Variants in MAP4K4 observed in about 807,000 individuals in gnomAD.
The protein encoded by MAP4K4 is HPK/GCK-like kinase HGK.
In MAP4K4, 38 loss-of-function variants were observed where a neutral mutation model predicts 189.6. That is an observed-to-expected ratio of 0.20 (90% CI 0.15 to 0.26). MAP4K4 has a LOEUF of 0.26. MAP4K4 is among the 10% of genes least tolerant of loss of function. MAP4K4 has a pLI of 1.00. For missense variants in MAP4K4, 1,054 were observed against 1,726.9 expected, an observed-to-expected ratio of 0.61 and a Z score of 6.91; for synonymous variants, 610 against 624.3, an observed-to-expected ratio of 0.98 and a Z score of 0.34.
chr2:101,888,916 T>G, exon 32 of MAP4K4: 1 of 1,612,074 alleles, frequency 6.2e-7, no homozygotes, highest in Non-Finnish European at 8.5e-7. Context: ...CTAAAATTCT[T>G]GTGTGAACGC....
At chr2:101,863,900 C>T in exon 17 of MAP4K4, 2 of 1,367,698 alleles carry the variant, frequency 1.5e-6, no homozygotes, top group Non-Finnish European at 9.8e-7. Flanking sequence ...GACCCTTCTC[C>T]CAAATTTGCA....
intron 2 of MAP4K4, among the ~76,000 whole-genome samples, chr2:101,772,837 TG>T (rs1388843318): frequency 6.6e-6 from 1 of 152,190 alleles, no homozygotes; most frequent in Non-Finnish European, 1.5e-5. Flanking sequence ...CTTCACTCCT[TG>T]ATATGGGTAC....
At chr2:101,710,151 A>G (rs1201341118) in intron 2 of MAP4K4, among the ~76,000 whole-genome samples, 2 of 152,192 alleles carry the variant, frequency 1.3e-5, no homozygotes, top group African/African-American at 2.4e-5. Context: ...AAGGTACTTA[A>G]TAATTTGTTG....
intron 2 of MAP4K4, among the ~76,000 whole-genome samples, chr2:101,773,338 G>A (rs924868510): frequency 1.3e-5 from 2 of 152,256 alleles, no homozygotes; most frequent in African/African-American, 4.8e-5. Flanking sequence ...GTGTCTGTCT[G>A]TTGAGGGGCC....
At chr2:101,703,996 C>T (rs1292608573) in intron 2 of MAP4K4, among the ~76,000 whole-genome samples, 1 of 152,200 alleles carries the variant, frequency 6.6e-6, no homozygotes, top group East Asian at 1.9e-4. Context: ...GCCTGGGTGA[C>T]AGAGCCAGAC....
At chr2:101,733,865 T>C (rs2149635467) in intron 2 of MAP4K4, among the ~76,000 whole-genome samples, 1 of 152,320 alleles carries the variant, frequency 6.6e-6, no homozygotes, top group South Asian at 2.1e-4. Flanking sequence ...GCCAGTTCTT[T>C]CACATACTAG....
At chr2:101,745,447 A>C (rs1014892519) in intron 2 of MAP4K4, among the ~76,000 whole-genome samples, 1 of 137,656 alleles carries the variant, frequency 7.3e-6, no homozygotes, top group Non-Finnish European at 1.6e-5. Context: ...GTAAAAAAAA[A>C]AAAAAAAAAA....
exon 33 of MAP4K4, chr2:101,893,175 T>C (rs1559373395): frequency 2.2e-6 from 1 of 456,438 alleles, no homozygotes; most frequent in East Asian, 6.9e-5. Context: ...AGGCCCTCCT[T>C]TGAGCTACAA....
intron 26 of MAP4K4, among the ~76,000 whole-genome samples, chr2:101,875,390 G>T (rs1328344451): frequency 2.0e-5 from 3 of 151,030 alleles, no homozygotes; most frequent in Admixed American, 1.3e-4. Context: ...ATCTCTAAGG[G>T]TTAAGTCACT....
chr2:101,872,158 T>A (rs892387957), intron 24 of MAP4K4, among the ~76,000 whole-genome samples: 1 of 143,506 alleles, frequency 7.0e-6, no homozygotes, highest in Admixed American at 6.9e-5. Context: ...ACAGAACTGA[T>A]TTTTTTTTTT....
At chr2:101,830,565 A>G (rs751261734) in intron 6 of MAP4K4, among the ~76,000 whole-genome samples, 1 of 152,184 alleles carries the variant, frequency 6.6e-6, no homozygotes, top group African/African-American at 2.4e-5. Flanking sequence ...TTGTACTGTA[A>G]AAGTAAGATC....
intron 2 of MAP4K4, among the ~76,000 whole-genome samples, chr2:101,762,042 C>T (rs1357903212): frequency 6.6e-6 from 1 of 152,112 alleles, no homozygotes; most frequent in African/African-American, 2.4e-5. Flanking sequence ...CCCTCTCAGT[C>T]CATTTCCCTG....
intron 2 of MAP4K4, among the ~76,000 whole-genome samples, chr2:101,773,892 C>T (rs576628822): frequency 1.2e-4 from 19 of 152,158 alleles, no homozygotes; most frequent in Middle Eastern, 3.2e-3. Context: ...CAGTTCCATC[C>T]GTATTGTTGC....
At chr2:101,758,511 C>G (rs1322793859) in intron 2 of MAP4K4, among the ~76,000 whole-genome samples, 1 of 152,110 alleles carries the variant, frequency 6.6e-6, no homozygotes, top group Non-Finnish European at 1.5e-5. Flanking sequence ...TTCCTATAGG[C>G]AAGTTCCACA....
intron 2 of MAP4K4, among the ~76,000 whole-genome samples, chr2:101,722,192 TGAG>T (rs781286429): frequency 2.0e-5 from 3 of 152,212 alleles, no homozygotes; most frequent in Non-Finnish European, 4.4e-5. Context: ...TGCAGTCACT[TGAG>T]GAGGCAAGAA....
chr2:101,781,314 C>G (rs747743845), intron 2 of MAP4K4, among the ~76,000 whole-genome samples: 2 of 152,118 alleles, frequency 1.3e-5, no homozygotes, highest in Non-Finnish European at 2.9e-5. Flanking sequence ...CTCTTCTGCC[C>G]GTTTTCCCCA....
intron 3 of MAP4K4, among the ~76,000 whole-genome samples, chr2:101,816,946 G>A (rs961383351): frequency 6.6e-6 from 1 of 151,962 alleles, no homozygotes; most frequent in African/African-American, 2.4e-5. Flanking sequence ...TGTGTGAGTT[G>A]CCGGAAAGCT....
At chr2:101,873,467 C>T (rs1281015254) in intron 24 of MAP4K4, among the ~76,000 whole-genome samples, 180 bp from the exon 25 acceptor site, 2 of 152,004 alleles carry the variant, frequency 1.3e-5, no homozygotes, top group African/African-American at 4.8e-5. Flanking sequence ...GTAAAGCTGC[C>T]CTGAGGGGTG....
chr2:101,806,414 C>T (rs1389639851), intron 3 of MAP4K4, among the ~76,000 whole-genome samples: 7 of 144,106 alleles, frequency 4.9e-5, no homozygotes, highest in African/African-American at 1.8e-4. Flanking sequence ...CTCGCTCTGT[C>T]ACCCAGGCTG....
Sources: gnomAD v4.1 joint callset for allele counts (sites outside exome capture counted in the v4.1 genomes callset) on GRCh38, gnomAD v4.1.1 for gene constraint, MANE v1.5 for transcripts, NCBI Gene and HGNC (gene_info 2026-07-23, HGNC 2026-07-21) for gene names.